AK7: variants seen among roughly 807,000 people sequenced by gnomAD.
AK7 encodes ATP-AMP transphosphorylase 7.
In AK7, 78 loss-of-function variants were observed where a neutral mutation model predicts 96.6. The observed-to-expected ratio is 0.81, with a 90% CI of 0.67 to 0.97. AK7 has a LOEUF of 0.97. Among genes scored for constraint, AK7 ranks in the 50% least tolerant of loss-of-function variants. The probability of loss-of-function intolerance (pLI) is 0.00; values close to 1 mark genes in which losing one functional copy is unlikely to be tolerated. For missense variants in AK7, 855 were observed against 887.9 expected (o/e 0.96, Z 0.47); for synonymous variants, 302 against 317.2 (o/e 0.95, Z 0.51).
At chr14:96,398,384 GTTGAGGGAATGGCTT>G in intron 2 of AK7, 121 bp downstream of exon 2, 1 of 1,043,620 alleles carries the variant, frequency 9.6e-7, no homozygotes, top group Non-Finnish European at 1.4e-6. Flanking sequence ...ACATGGCCAG[GTTGAGGGAATGGCTT>G]TCTCCTGTAA....
chr14:96,421,870 G>A (rs1042887160), intron 5 of AK7, among the ~76,000 whole-genome samples: 17 of 152,182 alleles, frequency 1.1e-4, no homozygotes, highest in African/African-American at 4.1e-4. Context: ...CTCCCAAAGT[G>A]TTGGGATTAC....
At chr14:96,429,908 A>G (rs1280862439) in intron 5 of AK7, among the ~76,000 whole-genome samples, 1 of 152,188 alleles carries the variant, frequency 6.6e-6, no homozygotes, top group Non-Finnish European at 1.5e-5. Flanking sequence ...TCATCTGCAA[A>G]CAGGGACAAT....
chr14:96,456,380 G>T lies in AK7; in HGVS notation c.1132G>T (p.Val378Leu). 1 of 1,613,774 alleles carries T rather than the reference G, an allele frequency of 6.2e-7. No homozygotes were observed. The highest frequency in any genetic ancestry group is 1.3e-5 in the African/African-American group (1 of 74,982). The change falls in exon 11 of 18, where the codon GTG (valine) becomes TTG (leucine). Residue 378 changes from valine to leucine, a missense_variant. By Grantham distance (32) the Val-to-Leu change is conservative. Transcript: ENST00000267584. ...GATCTGCATTCTTGGTCCCCCTGCT[G>T]TGGGAAAATCCAGTATTGCTAAAGA... ...IKICILGPPAVGKSSIAKELA... is the reference protein window; with the variant it reads ...IKICILGPPALGKSSIAKELA...
chr14:96,444,368 G>T (rs559357792), intron 7 of AK7, among the ~76,000 whole-genome samples: 45 of 152,096 alleles, frequency 3.0e-4, no homozygotes, highest in African/African-American at 9.9e-4. Context: ...AACATATTAC[G>T]TCCAAACATA....
chr14:96,440,684 C>A (rs1892914137), intron 6 of AK7, among the ~76,000 whole-genome samples: 2 of 152,326 alleles, frequency 1.3e-5, no homozygotes, highest in South Asian at 4.1e-4. Flanking sequence ...ACTCCTCCCT[C>A]CTTACTGCAA....
rs188502346 is a variant in AK7 at position 96,473,264 on chromosome 14, G to A, written c.1555+509G>A. Among the ~76,000 whole-genome samples, 429 of 149,828 alleles carry A rather than the reference G, an allele frequency of 2.9e-3. 2 individuals are homozygous for A. The highest frequency in any genetic ancestry group is 4.9e-3 in the Non-Finnish European group (328 of 67,522). On this transcript the variant is annotated intron_variant, in intron 14 of 17. Coordinates refer to ENST00000267584, the MANE Select transcript of AK7 (RefSeq NM_152327.5). ...CAGCTCACTGCAAGCTCTGCCTCCC[G>A]GGTTCACGCCATTCTCCTGCCTCAG...
chr14:96,488,815 G>A lies in AK7; in HGVS notation c.*472G>A, dbSNP rs1895914510. ...AGTAAATCAGACAAGATTGGTGCCT[G>A]TAAGGTGGCTTTTTTTTTTTTTTTT... On this transcript the variant is annotated 3_prime_UTR_variant, in exon 18 of 18. Transcript: ENST00000267584. The A allele has an allele frequency of 7.3e-6, 1 of 136,320 alleles. No homozygotes were observed. The highest frequency in any genetic ancestry group is 2.7e-5 in the African/African-American group (1 of 36,916). 8.4% of individuals were successfully genotyped at this position (136,320 alleles called of 1,614,324 possible). A position where few individuals can be genotyped will look rare whatever the true frequency, so the allele number is the denominator to read the frequency against.
intron 10 of AK7, among the ~76,000 whole-genome samples, chr14:96,452,493 T>C (rs1893662952): frequency 6.6e-6 from 1 of 151,930 alleles, no homozygotes; most frequent in Non-Finnish European, 1.5e-5. Flanking sequence ...ATCTGGTTAA[T>C]TTTTGTAATT....
At chr14:96,417,123 C>G (rs967263337) in intron 4 of AK7, among the ~76,000 whole-genome samples, 1 of 152,248 alleles carries the variant, frequency 6.6e-6, no homozygotes, top group East Asian at 1.9e-4. Context: ...GTGACCTGGC[C>G]CAGCATGCCA....
chr14:96,443,461 G>T (rs1455539396), intron 7 of AK7, among the ~76,000 whole-genome samples: 1 of 152,014 alleles, frequency 6.6e-6, no homozygotes, highest in Non-Finnish European at 1.5e-5. Context: ...CTTCCCTGAG[G>T]TTCTGGTTTT....
At chr14:96,488,273 A>T (rs751642156) in intron 17 of AK7, 32 bp from the exon 18 acceptor site, 2 of 1,588,792 alleles carry the variant, frequency 1.3e-6, no homozygotes, top group East Asian at 4.5e-5. Flanking sequence ...AATAACTTGT[A>T]AACTGTTGAC....
chr14:96,465,840 T>A (rs1357348137), intron 12 of AK7, among the ~76,000 whole-genome samples: 2 of 151,808 alleles, frequency 1.3e-5, no homozygotes, highest in African/African-American at 4.8e-5. Context: ...TGAAACCCTG[T>A]CTCTACTAAA....
intron 4 of AK7, among the ~76,000 whole-genome samples, chr14:96,412,183 G>T (rs1012781879): frequency 4.6e-5 from 7 of 151,410 alleles, no homozygotes; most frequent in African/African-American, 1.7e-4. Flanking sequence ...AAGAAGAAAG[G>T]TGAGCTGCAA....
intron 12 of AK7, among the ~76,000 whole-genome samples, chr14:96,458,536 G>A (rs2140128430): frequency 1.3e-5 from 2 of 152,122 alleles, no homozygotes; most frequent in Middle Eastern, 3.4e-3. Flanking sequence ...GAGGTCATGA[G>A]TTTGAGACCA....
chr14:96,445,269 G>A (rs987732564), intron 7 of AK7, among the ~76,000 whole-genome samples: 38 of 152,202 alleles, frequency 2.5e-4, no homozygotes, highest in Middle Eastern at 3.2e-3. Flanking sequence ...TCTTTTGACA[G>A]ACCCTTTTAA....
chr14:96,410,316 C>T (rs552830712), intron 4 of AK7, among the ~76,000 whole-genome samples: 1 of 152,274 alleles, frequency 6.6e-6, no homozygotes, highest in African/African-American at 2.4e-5. Flanking sequence ...TAAGTGTCCA[C>T]TATAAAACAA....
chr14:96,483,269 C>A (rs1360065934), intron 16 of AK7, 50 bp downstream of exon 16: 1 of 1,535,570 alleles, frequency 6.5e-7, no homozygotes, highest in Non-Finnish European at 8.8e-7. Context: ...AACAGGGGTG[C>A]GGTGCCTGGC....
At chr14:96,481,034 C>G (rs757531670) in intron 15 of AK7, among the ~76,000 whole-genome samples, 3 of 152,162 alleles carry the variant, frequency 2.0e-5, no homozygotes, top group African/African-American at 4.8e-5. Flanking sequence ...GTACTCTCCC[C>G]CTCTGTGGCC....
chr14:96,487,430 A>G (rs1323341335), intron 17 of AK7, among the ~76,000 whole-genome samples: 1 of 144,410 alleles, frequency 6.9e-6, no homozygotes, highest in Middle Eastern at 3.5e-3. Context: ...ATCTGCCTGA[A>G]TCTTTTTTTT....
Sources: allele counts gnomAD v4.1 joint callset (sites outside exome capture counted in the v4.1 genomes callset), GRCh38; gene constraint gnomAD v4.1.1; transcripts MANE v1.5; gene names NCBI Gene and HGNC (gene_info 2026-07-23, HGNC 2026-07-21).